Variants in DSCAML1 observed in about 807,000 individuals in gnomAD.
DSCAML1 encodes cell adhesion molecule DSCAML1.
DSCAML1 carries 38 observed loss-of-function variants against 200.5 expected under a neutral mutation model. That is an observed-to-expected ratio of 0.19 (90% confidence interval 0.15 to 0.25). The LOEUF (loss-of-function observed/expected upper bound fraction) is 0.25, where lower values mean the gene tolerates loss of function less well. DSCAML1 is among the 10% of genes least tolerant of loss of function. The pLI, the probability that DSCAML1 is intolerant of heterozygous loss-of-function variation, is 1.00. For synonymous variants in DSCAML1, 1,215 were observed against 1,165.0 expected (o/e 1.04, Z -0.87); for missense variants, 2,223 against 2,858.8 (o/e 0.78, Z 5.07).
intron 3 of DSCAML1, among the ~76,000 whole-genome samples, chr11:117,750,445 A>C (rs2054588759): frequency 6.6e-6 from 1 of 152,166 alleles, no homozygotes; most frequent in Admixed American, 6.5e-5. Flanking sequence ...AGGGACCTGG[A>C]GAACCCATCA....
intron 20 of DSCAML1, among the ~76,000 whole-genome samples, chr11:117,447,535 T>G (rs1565688642): frequency 6.6e-6 from 1 of 152,230 alleles, no homozygotes; most frequent in Non-Finnish European, 1.5e-5. Flanking sequence ...TACTTTCCTC[T>G]CTATTCTTTT....
rs2055214093 is a variant in DSCAML1 at position 117,780,231 on chromosome 11, G to GGAAAGAAAGAAAGAAAGAAAAA, written c.364+261_364+262insTTTTTCTTTCTTTCTTTCTTTC. Among the ~76,000 whole-genome samples the GGAAAGAAAGAAAGAAAGAAAAA allele has an allele frequency of 1.6e-5, 1 of 60,648 alleles. No individual in the cohort carries two copies. The highest frequency in any genetic ancestry group is 6.6e-5 in the African/African-American group (1 of 15,248). 39.8% of individuals were successfully genotyped at this position (60,648 alleles called of 152,430 possible). On this transcript the variant is annotated intron_variant, in intron 2 of 32. Coordinates refer to ENST00000651296, the MANE Select transcript of DSCAML1 (RefSeq NM_020693.4). The surrounding 1 kb of genome is among the most constrained non-coding windows in gnomAD (Gnocchi z 4.8). The stretch of plus-strand genomic sequence containing the variant: ...AAAGAGAGAGAGAGAAAGAAAGAAA[G>GGAAAGAAAGAAAGAAAGAAAAA]GAAAGAAAGAAAGAAAGAAAGAAAG...
At chr11:117,448,657 G>T (rs2048228091) in intron 20 of DSCAML1, among the ~76,000 whole-genome samples, 1 of 147,186 alleles carries the variant, frequency 6.8e-6, no homozygotes, top group Admixed American at 6.8e-5. Flanking sequence ...GGTAGAGTTG[G>T]GGGGAGACGG....
At chr11:117,541,750 C>T (rs926242014) in intron 3 of DSCAML1, among the ~76,000 whole-genome samples, 3 of 152,164 alleles carry the variant, frequency 2.0e-5, no homozygotes, top group African/African-American at 7.2e-5. Context: ...GCAAGGCCTC[C>T]CAGCTGAGCC....
At chr11:117,777,087 A>G (rs2134046411) in intron 2 of DSCAML1, 150 bp from the exon 3 acceptor site, 1 of 815,102 alleles carries the variant, frequency 1.2e-6, no homozygotes, top group East Asian at 2.7e-5. Flanking sequence ...TAGCCAGCCT[A>G]GAAGCCCCTG....
intron 3 of DSCAML1, among the ~76,000 whole-genome samples, chr11:117,661,736 C>A (rs894019461): frequency 1.3e-5 from 2 of 152,180 alleles, no homozygotes; most frequent in African/African-American, 4.8e-5. Context: ...ACCTCTCTCT[C>A]ATTTTCTTTC....
chr11:117,745,106 A>G (rs2054494993), intron 3 of DSCAML1, among the ~76,000 whole-genome samples: 1 of 152,070 alleles, frequency 6.6e-6, no homozygotes, highest in East Asian at 1.9e-4. Flanking sequence ...TATGAAGTTC[A>G]AAGCCAGGCA....
At chr11:117,512,855 C>T (rs753026207) in intron 8 of DSCAML1, among the ~76,000 whole-genome samples, 9 of 151,756 alleles carry the variant, frequency 5.9e-5, no homozygotes, top group South Asian at 4.2e-4. Context: ...GAGACACTGT[C>T]GCTCAGCACC....
At chr11:117,739,325 A>G (rs1404868196) in intron 3 of DSCAML1, among the ~76,000 whole-genome samples, 1 of 152,108 alleles carries the variant, frequency 6.6e-6, no homozygotes, top group Non-Finnish European at 1.5e-5. Context: ...TAGAAATGCA[A>G]ATTCTTGGAC....
At chr11:117,439,683 C>G (rs2048003611) in intron 22 of DSCAML1, 136 bp downstream of exon 22, 2 of 888,108 alleles carry the variant, frequency 2.3e-6, no homozygotes, top group South Asian at 3.1e-5. Flanking sequence ...GCAGTAGCAG[C>G]ACACCCTGCA....
chr11:117,482,691 A>G (rs976899274), intron 11 of DSCAML1, among the ~76,000 whole-genome samples: 7 of 152,220 alleles, frequency 4.6e-5, no homozygotes, highest in Non-Finnish European at 5.9e-5. Flanking sequence ...TGCTGGTGAC[A>G]GTCACGGGGC....
At chr11:117,806,814 A>G (rs1212700030) in intron 1 of DSCAML1, among the ~76,000 whole-genome samples, 1 of 152,224 alleles carries the variant, frequency 6.6e-6, no homozygotes, top group African/African-American at 2.4e-5. Context: ...TCAAGAATAT[A>G]CAAAAGTGGG....
chr11:117,717,542 G>T (rs1396710463), intron 3 of DSCAML1, among the ~76,000 whole-genome samples: 1 of 152,182 alleles, frequency 6.6e-6, no homozygotes, highest in African/African-American at 2.4e-5. Flanking sequence ...AGAAATAAAA[G>T]ACCCTGACGA....
intron 3 of DSCAML1, among the ~76,000 whole-genome samples, chr11:117,669,685 C>T (rs2053059602): frequency 6.6e-6 from 1 of 152,202 alleles, no homozygotes; most frequent in Non-Finnish European, 1.5e-5. Flanking sequence ...GGTCAGGAAA[C>T]AGACATTTCC....
intron 1 of DSCAML1, among the ~76,000 whole-genome samples, chr11:117,806,442 C>T (rs1042951468): frequency 1.3e-4 from 20 of 152,174 alleles, no homozygotes; most frequent in Non-Finnish European, 2.1e-4. Context: ...GCTGAACTGG[C>T]GGGCTAATTG....
At chr11:117,756,778 G>A (rs1373918761) in intron 3 of DSCAML1, among the ~76,000 whole-genome samples, 1 of 152,020 alleles carries the variant, frequency 6.6e-6, no homozygotes, top group Non-Finnish European at 1.5e-5. Flanking sequence ...AGACCAAGGA[G>A]GGGGTGATGG....
At chr11:117,602,813 C>T (rs1465404453) in intron 3 of DSCAML1, among the ~76,000 whole-genome samples, 2 of 152,066 alleles carry the variant, frequency 1.3e-5, no homozygotes, top group Non-Finnish European at 2.9e-5. Context: ...AAGTAACAAT[C>T]AGAGGCCATG....
At chr11:117,752,297 G>T (rs1164375187) in intron 3 of DSCAML1, among the ~76,000 whole-genome samples, 2 of 152,350 alleles carry the variant, frequency 1.3e-5, no homozygotes, top group African/African-American at 2.4e-5. Context: ...AAGCCTAGGG[G>T]TGGAACGACA....
intron 3 of DSCAML1, among the ~76,000 whole-genome samples, chr11:117,575,408 G>T (rs1038359583): frequency 3.9e-5 from 6 of 152,192 alleles, no homozygotes; most frequent in Non-Finnish European, 5.9e-5. Flanking sequence ...CCAACTGGTG[G>T]TTCTCAGCCT....
Sources: gnomAD v4.1 joint callset for allele counts (sites outside exome capture counted in the v4.1 genomes callset) on GRCh38, gnomAD v4.1.1 for gene constraint, Gnocchi (gnomAD v3.1) non-coding constraint, MANE v1.5 for transcripts, NCBI Gene and HGNC (gene_info 2026-07-23, HGNC 2026-07-21) for gene names.